SBNO1: variants seen among roughly 807,000 people sequenced by gnomAD.
SBNO1 encodes protein strawberry notch homolog 1.
SBNO1 carries 23 observed loss-of-function variants against 173.6 expected under a neutral mutation model. That is an observed-to-expected ratio of 0.13 (90% CI 0.10 to 0.19). The LOEUF is 0.19. Among genes scored for constraint, SBNO1 ranks in the 10% least tolerant of loss-of-function variants. The pLI, the probability that SBNO1 is intolerant of heterozygous loss-of-function variation, is 1.00. For synonymous variants in SBNO1, 632 were observed against 571.5 expected (o/e 1.11, Z -1.51); for missense variants, 1,238 against 1,671.2 (o/e 0.74, Z 4.52).
chr12:123,344,946 T>C (rs1872949463), intron 4 of SBNO1, among the ~76,000 whole-genome samples: 1 of 152,114 alleles, frequency 6.6e-6, no homozygotes, highest in African/African-American at 2.4e-5. Context: ...AAACAGCTAT[T>C]TGTAAAGGAT....
intron 6 of SBNO1, 93 bp downstream of exon 6, chr12:123,336,302 T>C (rs1871839213): frequency 2.3e-6 from 2 of 855,524 alleles, no homozygotes; most frequent in Non-Finnish European, 3.8e-6. Context: ...AAAGCAAGAT[T>C]CTAAATTTAT....
chr12:123,335,444 C>T (rs1054138317), intron 6 of SBNO1, among the ~76,000 whole-genome samples: 2 of 152,100 alleles, frequency 1.3e-5, no homozygotes, highest in Non-Finnish European at 2.9e-5. Flanking sequence ...AGCCAGACCC[C>T]GTCTTAAAAA....
rs1450294285 is a variant in SBNO1 at position 123,321,633 on chromosome 12, T to A, written c.2225A>T (p.Asn742Ile). The change falls in exon 17 of 32, where the codon AAT (asparagine) becomes ATT (isoleucine). Residue 742 changes from asparagine to isoleucine, a missense_variant. By Grantham distance (149) the Asn-to-Ile change is moderately radical. Coordinates refer to ENST00000602398, the MANE Select transcript of SBNO1 (RefSeq NM_001167856.3). Reference protein sequence around the residue: ...DSGSESDASDNEESDYESSKN... With the variant: ...DSGSESDASDIEESDYESSKN... ...AGAGCTCTCATAGTCACTTTCTTCA[T>A]TATCAGAGGCATCAGATTCACTTCC... is the stretch of plus-strand genomic sequence containing the variant. The A allele has an allele frequency of 2.4e-5, 39 of 1,613,886 alleles. No individual in the cohort carries two copies. Among genetic ancestry groups the A allele is most frequent in the Non-Finnish European group, 3.3e-5 (39 of 1,179,908 alleles).
intron 1 of SBNO1, chr12:123,363,866 G>A (rs756986447): frequency 2.3e-4 from 222 of 985,448 alleles, no homozygotes; most frequent in Non-Finnish European, 2.5e-4. Context: ...GGATGCCAGG[G>A]TCAGGAAAGA....
intron 30 of SBNO1, among the ~76,000 whole-genome samples, chr12:123,299,140 C>T (rs1479275067): frequency 6.6e-6 from 1 of 151,446 alleles, no homozygotes; most frequent in Non-Finnish European, 1.5e-5. Flanking sequence ...AGGACAAGGC[C>T]GGCTGATCAC....
At chr12:123,326,117 C>CT in intron 14 of SBNO1, 35 bp downstream of exon 14, 1 of 1,509,606 alleles carries the variant, frequency 6.6e-7, no homozygotes, top group Non-Finnish European at 9.0e-7. Flanking sequence ...ACAACATAAC[C>CT]CCCAAACAAT....
At chr12:123,311,716 C>CTATATA (rs1168115569) in intron 24 of SBNO1, among the ~76,000 whole-genome samples, 109 of 60,914 alleles carry the variant, frequency 1.8e-3, no homozygotes, top group African/African-American at 5.8e-3. Context: ...ATCTATCTAT[C>CTATATA]TATCTATATA....
chr12:123,347,371 C>T (rs1346769709), intron 3 of SBNO1, among the ~76,000 whole-genome samples: 4 of 151,324 alleles, frequency 2.6e-5, no homozygotes, highest in Admixed American at 6.6e-5. Context: ...GGACTACAGG[C>T]GCCCGCCACC....
At chr12:123,318,303 G>A (rs1239879516) in intron 20 of SBNO1, among the ~76,000 whole-genome samples, 3 of 152,160 alleles carry the variant, frequency 2.0e-5, no homozygotes, top group Non-Finnish European at 4.4e-5. Context: ...AGCCAGGTGT[G>A]GTGGTGTGTG....
intron 25 of SBNO1, among the ~76,000 whole-genome samples, chr12:123,310,123 AAGTT>A (rs1365133048): frequency 6.6e-6 from 1 of 152,220 alleles, no homozygotes; most frequent in Non-Finnish European, 1.5e-5. Flanking sequence ...GTACATAAGA[AAGTT>A]AGTTCTCCAA....
chr12:123,315,305 C>T (rs1220550448), intron 23 of SBNO1, 68 bp downstream of exon 23: 14 of 1,263,472 alleles, frequency 1.1e-5, no homozygotes, highest in Middle Eastern at 1.9e-4. Context: ...AACTACTTTC[C>T]TTTTGTGTTC....
At chr12:123,324,206 C>T (rs565842349) in intron 15 of SBNO1, among the ~76,000 whole-genome samples, 14 of 151,102 alleles carry the variant, frequency 9.3e-5, no homozygotes, top group African/African-American at 3.5e-4. Context: ...CAATATGGAC[C>T]AGTCATTTCA....
Position 123,290,523 on chromosome 12 carries a change from G to A in SBNO1, c.*5385C>T, listed in dbSNP as rs371316350. The stretch of plus-strand genomic sequence containing the variant: ...CTTCCCAACTCGAATTATTAAAAAC[G>A]CCTCGATCCCGCTCTGCTTCTAGGC... On this transcript the variant is annotated 3_prime_UTR_variant, in exon 32 of 32. Transcript: ENST00000602398. 1 of 151,968 alleles carries A rather than the reference G, an allele frequency of 6.6e-6. No homozygotes were observed. The highest frequency in any genetic ancestry group is 1.5e-5 in the Non-Finnish European group (1 of 68,018). The allele number at this position is 151,968 out of a possible 1,614,324, so 9.4% of individuals were successfully genotyped here. A position where few individuals can be genotyped will look rare whatever the true frequency, so the allele number is the denominator to read the frequency against.
At chr12:123,358,252 G>T (rs901878764) in intron 1 of SBNO1, among the ~76,000 whole-genome samples, 1 of 152,212 alleles carries the variant, frequency 6.6e-6, no homozygotes. Context: ...GATCACTCAC[G>T]TGAGGTCAAG....
At chr12:123,347,961 C>G in intron 3 of SBNO1, 68 bp downstream of exon 3, 1 of 952,460 alleles carries the variant, frequency 1.0e-6, no homozygotes, top group African/African-American at 1.6e-5. Flanking sequence ...ATCACCACAC[C>G]CGGCCATGTT....
At position 123,340,605 on chromosome 12, in the gene SBNO1, AG is replaced by A. The variant is rs1254986034; in HGVS notation, c.651+382del. Reference sequence around the variant, plus strand: ...TCAAAAAAAAAAAAAAAAAAAAAAAAGAATCACTCATAACCAGATCATTATA... The same window carrying A: ...TCAAAAAAAAAAAAAAAAAAAAAAAAAATCACTCATAACCAGATCATTATA... On this transcript the variant is annotated intron_variant, in intron 5 of 31. Coordinates refer to ENST00000602398, the MANE Select transcript of SBNO1 (RefSeq NM_001167856.3). Among the ~76,000 whole-genome samples, 849 of 130,340 alleles carry A rather than the reference AG, an allele frequency of 6.5e-3. 35 individuals carry two copies. The highest frequency in any genetic ancestry group is 0.033 in the African/African-American group (779 of 23,898). The allele number at this position is 130,340 out of a possible 152,430, so 85.5% of individuals were successfully genotyped here.
intron 4 of SBNO1, among the ~76,000 whole-genome samples, chr12:123,342,774 A>G (rs1445214988): frequency 6.6e-6 from 1 of 152,198 alleles, no homozygotes; most frequent in Non-Finnish European, 1.5e-5. Context: ...TTCAGCCTCC[A>G]AGAATCCCTG....
intron 30 of SBNO1, among the ~76,000 whole-genome samples, chr12:123,300,197 C>T (rs1259807856): frequency 1.3e-5 from 2 of 152,156 alleles, no homozygotes; most frequent in African/African-American, 4.8e-5. Context: ...ACTTTTCTTG[C>T]TATAACTCAA....
At chr12:123,338,371 G>A (rs2139029314) in intron 5 of SBNO1, among the ~76,000 whole-genome samples, 1 of 151,566 alleles carries the variant, frequency 6.6e-6, no homozygotes, top group East Asian at 1.9e-4. Context: ...TGGCCAACAT[G>A]GCAAAACCCC....
Sources: allele counts gnomAD v4.1 joint callset (sites outside exome capture counted in the v4.1 genomes callset), GRCh38; gene constraint gnomAD v4.1.1; transcripts MANE v1.5; gene names NCBI Gene and HGNC (gene_info 2026-07-23, HGNC 2026-07-21).